NT5C1B: variants seen among roughly 807,000 people sequenced by gnomAD.
The protein encoded by NT5C1B is cytosolic 5'-nucleotidase 1B.
NT5C1B carries 44 observed loss-of-function variants against 57.8 expected under a neutral mutation model. The observed-to-expected ratio is 0.76, with a 90% CI of 0.60 to 0.98. The LOEUF is 0.98. Ranked by LOEUF, NT5C1B falls within the 50% of genes least tolerant of loss-of-function variation. The probability of loss-of-function intolerance (pLI) is 0.00; values close to 1 mark genes in which losing one functional copy is unlikely to be tolerated. For missense variants in NT5C1B, 742 were observed against 719.5 expected, an observed-to-expected ratio of 1.03 and a Z score of -0.36; for synonymous variants, 284 against 282.6, an observed-to-expected ratio of 1.00 and a Z score of -0.05.
chr2:18,569,903 ATTC>A (rs1664995501), intron 8 of NT5C1B, among the ~76,000 whole-genome samples: 1 of 152,158 alleles, frequency 6.6e-6, no homozygotes, highest in African/African-American at 2.4e-5. Flanking sequence ...ACAACAGAAT[ATTC>A]TTTTCAAATA....
chr2:18,581,690 T>A (rs1666200186), intron 6 of NT5C1B, among the ~76,000 whole-genome samples: 1 of 152,182 alleles, frequency 6.6e-6, no homozygotes, highest in African/African-American at 2.4e-5. Context: ...CAGAAATTAT[T>A]TGGTGACACT....
intron 6 of NT5C1B, among the ~76,000 whole-genome samples, chr2:18,580,831 T>A (rs1230412485): frequency 6.6e-6 from 1 of 152,184 alleles, no homozygotes; most frequent in East Asian, 1.9e-4. Flanking sequence ...AGTGAATTAA[T>A]GCAGCAACAG....
intron 6 of NT5C1B, among the ~76,000 whole-genome samples, chr2:18,581,150 G>A (rs1666147636): frequency 6.6e-6 from 1 of 152,144 alleles, no homozygotes; most frequent in Non-Finnish European, 1.5e-5. Context: ...TTTGTAAGAG[G>A]TTTATAAAAT....
chr2:18,562,950 A>G (rs1664300682), exon 9 of NT5C1B: 1 of 152,226 alleles, frequency 6.6e-6, no homozygotes, highest in Non-Finnish European at 1.5e-5. Context: ...CTAACATATG[A>G]TATATTTAAT....
At chr2:18,573,902 A>T (rs991656459) in intron 8 of NT5C1B, among the ~76,000 whole-genome samples, 2 of 152,164 alleles carry the variant, frequency 1.3e-5, no homozygotes, top group Non-Finnish European at 2.9e-5. Context: ...TTCCTGCAAT[A>T]AGTAGGGTTG....
rs765439183 is a variant in NT5C1B at position 18,587,203 on chromosome 2, C to T, written c.120+300G>A. Reference sequence around the variant, plus strand: ...AAGATTGTGCAGAAAGTGGTCAATGCCATGGCCAGACCCCCTCCCCTCCCT... The same window carrying T: ...AAGATTGTGCAGAAAGTGGTCAATGTCATGGCCAGACCCCCTCCCCTCCCT... On this transcript the variant is annotated intron_variant, in intron 2 of 8. Coordinates refer to ENST00000304081, the Ensembl canonical transcript of NT5C1B. The T allele has an allele frequency of 8.8e-6, 14 of 1,594,288 alleles. No homozygotes were observed. The East Asian group carries it at 3.2e-4, about 36-fold the overall frequency.
At chr2:18,563,284 T>C (rs558012306) in exon 9 of NT5C1B, 1 of 152,382 alleles carries the variant, frequency 6.6e-6, no homozygotes, top group Admixed American at 6.5e-5. Context: ...AAAATTGTTA[T>C]ACTCATGCAG....
In NT5C1B at chr2:18,576,701, TGC is replaced by T. The variant is rs1665709371; in HGVS notation, c.1144+70_1144+71del. 6 of 1,586,712 alleles carry T rather than the reference TGC, an allele frequency of 3.8e-6. No individual in the cohort carries two copies. The South Asian group carries it at 6.9e-5, about 18-fold the overall frequency. Reference sequence around the variant, plus strand: ...CAAGACCATAAGCCTCATAATCATATGCGAAACTTAATGTAAGTCACCATTAG... The same window carrying T: ...CAAGACCATAAGCCTCATAATCATATGAAACTTAATGTAAGTCACCATTAG... On this transcript the variant is annotated intron_variant, in intron 7 of 8. Transcript: ENST00000304081.
chr2:18,589,258 CCTT>C (rs1019428426), intron 1 of NT5C1B, among the ~76,000 whole-genome samples, 178 bp downstream of exon 1: 67 of 152,292 alleles, frequency 4.4e-4, no homozygotes, highest in African/African-American at 1.6e-3. Flanking sequence ...TTAAATTTCT[CCTT>C]CTTCCCTTTT....
intron 8 of NT5C1B, among the ~76,000 whole-genome samples, chr2:18,566,419 A>C (rs1254895331): frequency 6.6e-6 from 1 of 152,198 alleles, no homozygotes; most frequent in Non-Finnish European, 1.5e-5. Context: ...TCTTAGAAAA[A>C]AACAAGTAAA....
At chr2:18,565,988 A>G (rs1162613589) in intron 8 of NT5C1B, among the ~76,000 whole-genome samples, 1 of 152,172 alleles carries the variant, frequency 6.6e-6, no homozygotes. Context: ...ACAGCATTCT[A>G]TAACTTTCAC....
At chr2:18,586,472 T>C in intron 2 of NT5C1B, 81 bp from the exon 3 acceptor site, 1 of 1,571,178 alleles carries the variant, frequency 6.4e-7, no homozygotes. Context: ...AATAGTCATG[T>C]CAGGCTGAAT....
chr2:18,579,899 C>A (rs1185650433), intron 6 of NT5C1B, among the ~76,000 whole-genome samples: 2 of 151,978 alleles, frequency 1.3e-5, no homozygotes, highest in Non-Finnish European at 2.9e-5. Flanking sequence ...TAACAAAGGT[C>A]AAAAATCCAG....
rs760451943 is a variant in NT5C1B at position 18,584,876 on chromosome 2, C to G, written c.361G>C (p.Ala121Pro). The change falls in exon 4 of 9, where the codon GCG (alanine) becomes CCG (proline). Residue 121 changes from alanine (A) to proline (P), a missense_variant. Transcript: ENST00000304081. This position sits in a 1 kb window ranked among gnomAD's most constrained non-coding sequence, Gnocchi z 5.8. ...AGCGACCGGGGCAGCTGGGGCGACGCGGGTGGCTGGAGCGAGGGCTGCCCG... is the reference window on the plus strand; with the variant it reads ...AGCGACCGGGGCAGCTGGGGCGACGGGGGTGGCTGGAGCGAGGGCTGCCCG... 1.6e-5 allele frequency: 25 copies of G among 1,593,948 alleles called. No homozygotes were observed. In the East Asian group the frequency reaches 4.9e-4, roughly 31 times the overall value.
chr2:18,564,264 T>C, intron 8 of NT5C1B, 145 bp from the exon 9 acceptor site: 2 of 910,642 alleles, frequency 2.2e-6, no homozygotes, highest in South Asian at 8.1e-5. Flanking sequence ...GGCAAAATGC[T>C]AAAACTTGAT....
At position 18,584,410 on chromosome 2, in the gene NT5C1B, GGGA is replaced by G; in HGVS notation, c.723+101_723+103del. 1 of 1,524,880 alleles carries G rather than the reference GGGA, an allele frequency of 6.6e-7. No individual in the cohort carries two copies. Among genetic ancestry groups the G allele is most frequent in the Admixed American group, 2.0e-5 (1 of 49,058 alleles). 94.5% of individuals were successfully genotyped at this position (1,524,880 alleles called of 1,614,324 possible). On this transcript the variant is annotated intron_variant, in intron 4 of 8. Transcript: ENST00000304081. The surrounding 1 kb of genome is among the most constrained non-coding windows in gnomAD (Gnocchi z 5.8). Reference sequence around the variant, plus strand: ...TGAGGCTGGGACTCCCCGAAGTTTGGGGAGGAGAAGCGGGAGGACCTCCCTGCG... The same window carrying G: ...TGAGGCTGGGACTCCCCGAAGTTTGGGGAGAAGCGGGAGGACCTCCCTGCG...
In NT5C1B at chr2:18,584,018, C is replaced by T. The variant is rs1433044442; in HGVS notation, c.891+70G>A. On this transcript the variant is annotated intron_variant, in intron 5 of 8. Transcript: ENST00000304081. This position sits in a 1 kb window ranked among gnomAD's most constrained non-coding sequence, Gnocchi z 5.8. ...ATGATCTGGGAAATTGGATGCCCTC[C>T]CAAGGGTTGGCCTGGGTCCCTCCCT... 1.9e-6 allele frequency: 3 copies of T among 1,612,754 alleles called. No homozygotes were observed. Among genetic ancestry groups the T allele is most frequent in the Non-Finnish European group, 1.7e-6 (2 of 1,179,582 alleles).
chr2:18,586,902 C>G (rs1666762246), intron 2 of NT5C1B: 1 of 1,587,168 alleles, frequency 6.3e-7, no homozygotes. Context: ...CCCGGAACAG[C>G]AAAGTAAAAG....
intron 6 of NT5C1B, among the ~76,000 whole-genome samples, chr2:18,580,673 G>C (rs1223084464): frequency 6.6e-6 from 1 of 152,126 alleles, no homozygotes; most frequent in East Asian, 1.9e-4. Flanking sequence ...ATTCACAATA[G>C]CAAAGACATG....
Sources: gnomAD v4.1 joint callset for allele counts (sites outside exome capture counted in the v4.1 genomes callset) on GRCh38, gnomAD v4.1.1 for gene constraint, Gnocchi (gnomAD v3.1) non-coding constraint, MANE v1.5 for transcripts, NCBI Gene and HGNC (gene_info 2026-07-23, HGNC 2026-07-21) for gene names.